Variants in MACROD2 observed in about 807,000 individuals in gnomAD.
MACROD2 encodes the protein mono-ADP ribosylhydrolase 2.
A neutral mutation model predicts 70.4 loss-of-function variants in MACROD2; 36 were observed. The observed-to-expected ratio is 0.51, with a 90% CI of 0.39 to 0.68. MACROD2 has a LOEUF of 0.68. MACROD2 is among the 30% of genes least tolerant of loss of function. The pLI, the probability that MACROD2 is intolerant of heterozygous loss-of-function variation, is 0.00. For missense variants in MACROD2, 496 were observed against 538.4 expected (o/e 0.92, Z 0.78); for synonymous variants, 172 against 178.8 (o/e 0.96, Z 0.30).
chr20:14,991,465 C>T (rs970516504), intron 5 of MACROD2, among the ~76,000 whole-genome samples: 1 of 152,124 alleles, frequency 6.6e-6, no homozygotes, highest in African/African-American at 2.4e-5. Flanking sequence ...ATCAGATTTT[C>T]TTGAATCACA....
At chr20:15,298,351 A>T (rs1046026260) in intron 6 of MACROD2, among the ~76,000 whole-genome samples, 10 of 152,194 alleles carry the variant, frequency 6.6e-5, no homozygotes, top group African/African-American at 2.4e-4. Flanking sequence ...AGGGAGAGCA[A>T]TTCCAGCCGC....
chr20:15,608,936 A>G (rs2048929574), intron 8 of MACROD2, among the ~76,000 whole-genome samples: 1 of 151,670 alleles, frequency 6.6e-6, no homozygotes. Context: ...AATGTCTTTA[A>G]TTTATAATTT....
At chr20:14,815,597 G>C (rs796254839) in intron 5 of MACROD2, among the ~76,000 whole-genome samples, 78 of 152,088 alleles carry the variant, frequency 5.1e-4, no homozygotes, top group African/African-American at 1.6e-3. Flanking sequence ...TAGAGGTGCT[G>C]TTTAGTATTA....
intron 8 of MACROD2, among the ~76,000 whole-genome samples, chr20:15,563,516 T>G (rs2048272188): frequency 6.6e-6 from 1 of 152,230 alleles, no homozygotes; most frequent in Non-Finnish European, 1.5e-5. Context: ...TAAGAAAGAA[T>G]ACATAGTAAA....
intron 8 of MACROD2, among the ~76,000 whole-genome samples, chr20:15,778,794 A>G (rs1287132075): frequency 6.6e-6 from 1 of 152,122 alleles, no homozygotes; most frequent in East Asian, 1.9e-4. Context: ...ATTCTTGCAG[A>G]ATATCTTCAA....
intron 5 of MACROD2, among the ~76,000 whole-genome samples, chr20:14,985,959 C>A (rs927228995): frequency 1.6e-4 from 24 of 152,092 alleles, no homozygotes; most frequent in African/African-American, 5.8e-4. Flanking sequence ...TTATTAAAAA[C>A]TCAGAGGTTG....
chr20:14,419,131 C>T (rs1265811148), intron 3 of MACROD2, among the ~76,000 whole-genome samples: 4 of 152,012 alleles, frequency 2.6e-5, no homozygotes, highest in Non-Finnish European at 2.9e-5. Context: ...CTCGGCTCAC[C>T]GCAACCTTCG....
At chr20:15,044,944 A>G (rs1039404607) in intron 5 of MACROD2, among the ~76,000 whole-genome samples, 5 of 152,196 alleles carry the variant, frequency 3.3e-5, no homozygotes, top group African/African-American at 4.8e-5. Flanking sequence ...AATACATTCA[A>G]TGTTAAAATG....
intron 3 of MACROD2, among the ~76,000 whole-genome samples, chr20:14,308,785 C>G (rs1249080294): frequency 6.6e-6 from 1 of 151,778 alleles, no homozygotes; most frequent in Admixed American, 6.6e-5. Context: ...TGAGTGCCTA[C>G]TAAGGAACAG....
At position 15,928,280 on chromosome 20, in the gene MACROD2, T is replaced by C. The variant is rs75562433; in HGVS notation, c.776-4996T>C. Reference sequence around the variant, plus strand: ...TCTTGCAACATTCTGTTGCTTAAAATTATTCCAGAATAAAAATACCTTTAG... The same window carrying C: ...TCTTGCAACATTCTGTTGCTTAAAACTATTCCAGAATAAAAATACCTTTAG... On this transcript the variant is annotated intron_variant, in intron 10 of 17. Transcript: ENST00000684519. 2.7e-3 allele frequency among the ~76,000 whole-genome samples: 406 copies of C among 152,310 alleles called. 1 individual carries two copies. In the East Asian group the frequency reaches 0.03, roughly 11 times the overall value.
chr20:15,608,323 C>T (rs930336900), intron 8 of MACROD2, among the ~76,000 whole-genome samples: 6 of 152,220 alleles, frequency 3.9e-5, no homozygotes, highest in Non-Finnish European at 8.8e-5. Flanking sequence ...CAGGACATAA[C>T]TTGGTCAATG....
chr20:15,838,348 AT>A (rs1329866166), intron 8 of MACROD2, among the ~76,000 whole-genome samples: 5 of 152,152 alleles, frequency 3.3e-5, no homozygotes, highest in African/African-American at 1.2e-4. Context: ...CTCATTTCTT[AT>A]CTTTCTATGC....
rs1601481347 is a variant in MACROD2, at chr20:14,326,159, C to T, written c.272-167320C>T. 6.2e-7 allele frequency: 1 copy of T among 1,613,826 alleles called. No homozygotes were observed. Among genetic ancestry groups the T allele is most frequent in the Non-Finnish European group, 8.5e-7 (1 of 1,179,860 alleles). The stretch of plus-strand genomic sequence containing the variant: ...GTTACAATTGTTTCTGTTATAGATC[C>T]AAATGCCGGGCTATGGCCCAGTTTA... On this transcript the variant is annotated intron_variant, in intron 3 of 17. Coordinates refer to ENST00000684519, the MANE Select transcript of MACROD2 (RefSeq NM_001351661.2). The surrounding 1 kb of genome is among the most constrained non-coding windows in gnomAD (Gnocchi z 5.5).
intron 8 of MACROD2, among the ~76,000 whole-genome samples, chr20:15,721,155 A>G (rs1475694852): frequency 1.3e-5 from 2 of 152,190 alleles, no homozygotes; most frequent in Non-Finnish European, 2.9e-5. Context: ...ATGGCATGCC[A>G]TGAGCATATC....
chr20:14,737,309 T>C (rs904329110), intron 5 of MACROD2, among the ~76,000 whole-genome samples: 3 of 152,186 alleles, frequency 2.0e-5, no homozygotes, highest in Non-Finnish European at 4.4e-5. Flanking sequence ...CTGCAGAGTA[T>C]TCCATGGTGT....
chr20:15,285,526 A>C (rs2077483119), intron 6 of MACROD2, among the ~76,000 whole-genome samples: 1 of 152,146 alleles, frequency 6.6e-6, no homozygotes, highest in Non-Finnish European at 1.5e-5. Context: ...ATTTTTGAAA[A>C]TCGTACTTCA....
At chr20:15,460,986 A>G (rs2046801896) in intron 7 of MACROD2, among the ~76,000 whole-genome samples, 4 of 76,294 alleles carry the variant, frequency 5.2e-5, no homozygotes, top group Admixed American at 2.5e-4. Context: ...CCATATATAT[A>G]TATATATATA....
intron 2 of MACROD2, among the ~76,000 whole-genome samples, chr20:14,022,182 G>C (rs2053092598): frequency 6.6e-6 from 1 of 152,150 alleles, no homozygotes; most frequent in Non-Finnish European, 1.5e-5. Flanking sequence ...TGTTGAAGCA[G>C]CTGTAAGATA....
At chr20:15,826,107 T>C (rs555139770) in intron 8 of MACROD2, among the ~76,000 whole-genome samples, 3 of 152,340 alleles carry the variant, frequency 2.0e-5, no homozygotes, top group South Asian at 2.1e-4. Context: ...AATACAGTAA[T>C]ATAAAACTTT....
Sources: allele counts gnomAD v4.1 joint callset (sites outside exome capture counted in the v4.1 genomes callset), GRCh38; gene constraint gnomAD v4.1.1; non-coding constraint Gnocchi (gnomAD v3.1); transcripts MANE v1.5; gene names NCBI Gene and HGNC (gene_info 2026-07-23, HGNC 2026-07-21).